The following NRG3 variants were observed in gnomAD, a reference collection of about 807,000 sequenced individuals.
NRG3 encodes the protein neuregulin 3.
Under a neutral mutation model 66.9 loss-of-function variants are expected in NRG3, and 31 were observed. The observed-to-expected ratio is 0.46, with a 90% CI of 0.35 to 0.63. NRG3 has a LOEUF of 0.63. Among genes scored for constraint, NRG3 ranks in the 20% least tolerant of loss-of-function variants. The pLI, the probability that NRG3 is intolerant of heterozygous loss-of-function variation, is 0.00. For missense variants in NRG3, 910 were observed against 878.9 expected, an observed-to-expected ratio of 1.04 and a Z score of -0.45; for synonymous variants, 393 against 359.4, an observed-to-expected ratio of 1.09 and a Z score of -1.06.
intron 1 of NRG3, among the ~76,000 whole-genome samples, chr10:81,909,899 T>G (rs1181180536): frequency 2.0e-5 from 3 of 152,190 alleles, no homozygotes; most frequent in African/African-American, 4.8e-5. Flanking sequence ...TCCTCTTATT[T>G]CTTATAAGAA....
chr10:82,110,268 G>A lies in NRG3; in HGVS notation c.823+234105G>A, dbSNP rs183914712. On this transcript the variant is annotated intron_variant, in intron 1 of 8. Coordinates refer to ENST00000372141, the MANE Select transcript of NRG3 (RefSeq NM_001010848.4). ...ATAAAAAATCCTTTGGATGAGACTG[G>A]GCCTGATGAAGGAAAGAAATGGGTG... Among the ~76,000 whole-genome samples the A allele has an allele frequency of 1.9e-3, 294 of 152,216 alleles. 2 individuals carry two copies. Among genetic ancestry groups the A allele is most frequent in the African/African-American group, 6.7e-3 (279 of 41,524 alleles).
chr10:82,697,971 G>A (rs2055530856), intron 2 of NRG3, among the ~76,000 whole-genome samples: 1 of 152,116 alleles, frequency 6.6e-6, no homozygotes, highest in African/African-American at 2.4e-5. Context: ...ACGAAAGGGA[G>A]AGGGTTGGCA....
At chr10:82,043,930 T>C (rs1174892167) in intron 1 of NRG3, among the ~76,000 whole-genome samples, 2 of 152,060 alleles carry the variant, frequency 1.3e-5, no homozygotes, top group Non-Finnish European at 2.9e-5. Flanking sequence ...ATATTAAACA[T>C]TGAAGTAAAG....
chr10:82,197,031 G>A (rs548942904), intron 1 of NRG3, among the ~76,000 whole-genome samples: 1 of 152,132 alleles, frequency 6.6e-6, no homozygotes, highest in Admixed American at 6.6e-5. Flanking sequence ...GTCCATAAAC[G>A]CAGTGTACAT....
intron 1 of NRG3, among the ~76,000 whole-genome samples, chr10:81,905,907 G>A (rs894984989): frequency 3.9e-5 from 6 of 152,170 alleles, no homozygotes; most frequent in Non-Finnish European, 4.4e-5. Flanking sequence ...AAGCAGCACT[G>A]TACAAATGTA....
intron 1 of NRG3, among the ~76,000 whole-genome samples, chr10:82,264,603 A>C (rs1033894679): frequency 1.3e-5 from 2 of 152,236 alleles, no homozygotes; most frequent in Non-Finnish European, 2.9e-5. Context: ...AAAGGGAAGA[A>C]TGACTGAACT....
intron 2 of NRG3, among the ~76,000 whole-genome samples, chr10:82,613,017 T>C (rs987926408): frequency 6.6e-6 from 1 of 152,188 alleles, no homozygotes; most frequent in African/African-American, 2.4e-5. Context: ...GCTACTTAGA[T>C]GACAGAGTTG....
intron 4 of NRG3, among the ~76,000 whole-genome samples, chr10:82,922,620 T>C (rs1303073821): frequency 6.6e-6 from 1 of 152,184 alleles, no homozygotes; most frequent in Non-Finnish European, 1.5e-5. Context: ...GCAAATGGAA[T>C]GTGTTGTCTG....
At chr10:82,484,192 C>A (rs569043082) in intron 2 of NRG3, among the ~76,000 whole-genome samples, 6 of 152,106 alleles carry the variant, frequency 3.9e-5, no homozygotes, top group Non-Finnish European at 8.8e-5. Flanking sequence ...GTGAATGAGC[C>A]AAATCCCTGT....
chr10:82,062,149 C>T (rs561330469), intron 1 of NRG3, among the ~76,000 whole-genome samples: 13 of 152,180 alleles, frequency 8.5e-5, no homozygotes, highest in African/African-American at 3.1e-4. Context: ...GGAAACAAAG[C>T]CCTGCTTGTA....
At chr10:81,895,811 C>T (rs923254544) in intron 1 of NRG3, among the ~76,000 whole-genome samples, 1 of 152,104 alleles carries the variant, frequency 6.6e-6, no homozygotes, top group African/African-American at 2.4e-5. Flanking sequence ...AATGGCTGTT[C>T]CTTAGATTAG....
At chr10:82,199,873 CAT>C (rs199740050) in intron 1 of NRG3, among the ~76,000 whole-genome samples, 12,918 of 109,214 alleles carry the variant, frequency 0.12, 874 homozygotes, top group East Asian at 0.29. Flanking sequence ...TGAGAGTGTG[CAT>C]GTGTGTGTGT....
At chr10:82,076,780 T>A (rs1406269720) in intron 1 of NRG3, among the ~76,000 whole-genome samples, 1 of 152,232 alleles carries the variant, frequency 6.6e-6, no homozygotes, top group Non-Finnish European at 1.5e-5. Context: ...AAGCAGACGC[T>A]GACACTGTGC....
intron 1 of NRG3, among the ~76,000 whole-genome samples, chr10:82,128,896 T>C (rs1442013993): frequency 1.3e-5 from 2 of 152,058 alleles, no homozygotes; most frequent in Non-Finnish European, 2.9e-5. Context: ...TGCTGTCATC[T>C]TAATTTGCTT....
intron 2 of NRG3, among the ~76,000 whole-genome samples, chr10:82,707,825 A>G (rs889243171): frequency 1.7e-4 from 22 of 132,656 alleles, no homozygotes; most frequent in Admixed American, 8.7e-5. Context: ...CCTGACCAAC[A>G]TGGTGAAACA....
chr10:82,761,051 G>A (rs1401144081), intron 3 of NRG3, among the ~76,000 whole-genome samples: 7 of 151,672 alleles, frequency 4.6e-5, no homozygotes, highest in South Asian at 2.1e-4. Context: ...ATAATTAAAT[G>A]TATTTCATAT....
At chr10:82,648,659 G>C (rs576517058) in intron 2 of NRG3, among the ~76,000 whole-genome samples, 42 of 152,216 alleles carry the variant, frequency 2.8e-4, no homozygotes, top group Middle Eastern at 3.4e-3. Flanking sequence ...TCTTCCATTT[G>C]TTTGTATCCT....
intron 1 of NRG3, among the ~76,000 whole-genome samples, chr10:82,185,811 C>T (rs1564642044): frequency 6.6e-6 from 1 of 152,182 alleles, no homozygotes; most frequent in Non-Finnish European, 1.5e-5. Context: ...CTTTACATCT[C>T]ATCATTGGTT....
chr10:82,555,197 C>A (rs140508907), intron 2 of NRG3, among the ~76,000 whole-genome samples: 5 of 152,262 alleles, frequency 3.3e-5, no homozygotes, highest in Non-Finnish European at 7.4e-5. Context: ...TATAGATTAA[C>A]CTTATTCTCT....
Sources: allele counts gnomAD v4.1 joint callset (sites outside exome capture counted in the v4.1 genomes callset), GRCh38; gene constraint gnomAD v4.1.1; transcripts MANE v1.5; gene names NCBI Gene and HGNC (gene_info 2026-07-23, HGNC 2026-07-21).